Variants in POU2F3 observed in about 807,000 individuals in gnomAD.
POU2F3 encodes the protein POU class 2 homeobox 3, also known as POU domain, class 2, transcription factor 3.
POU2F3 carries 23 observed loss-of-function variants against 59.2 expected under a neutral mutation model. The ratio of observed to expected loss-of-function variants is 0.39; its 90% confidence interval spans 0.28 to 0.55. The LOEUF is 0.55. POU2F3 is among the 20% of genes least tolerant of loss of function. POU2F3 has a pLI of 0.66. For synonymous variants in POU2F3, 190 were observed against 214.6 expected (o/e 0.89, Z 1.00); for missense variants, 473 against 544.5 (o/e 0.87, Z 1.31).
intron 2 of POU2F3, among the ~76,000 whole-genome samples, chr11:120,261,044 T>A (rs1939572767): frequency 6.6e-6 from 1 of 151,970 alleles, no homozygotes; most frequent in Non-Finnish European, 1.5e-5. Flanking sequence ...CCAGCCTGGA[T>A]GACAGAGTGA....
chr11:120,306,275 G>A (rs958723125), intron 8 of POU2F3, among the ~76,000 whole-genome samples: 1 of 152,168 alleles, frequency 6.6e-6, no homozygotes, highest in African/African-American at 2.4e-5. Flanking sequence ...ACCCATGCTG[G>A]TCAGGAAAGC....
At chr11:120,253,094 A>T (rs1406684781) in intron 2 of POU2F3, among the ~76,000 whole-genome samples, 1 of 151,866 alleles carries the variant, frequency 6.6e-6, no homozygotes, top group East Asian at 1.9e-4. Flanking sequence ...TGGGAGGAGG[A>T]CCAGTGTTTA....
chr11:120,280,824 C>A (rs942186858), intron 3 of POU2F3, among the ~76,000 whole-genome samples: 33 of 152,180 alleles, frequency 2.2e-4, no homozygotes, highest in African/African-American at 7.5e-4. Context: ...ATAGTATCTG[C>A]AGGCTCAGGG....
intron 3 of POU2F3, 95 bp from the exon 4 acceptor site, chr11:120,298,170 G>T: frequency 6.9e-7 from 1 of 1,443,320 alleles, no homozygotes; most frequent in Non-Finnish European, 9.4e-7. Context: ...CTCTAGGCTG[G>T]TCACTCCTTT....
At chr11:120,236,686 A>G, upstream of POU2F3, 1 of 1,506,012 alleles carries the variant, frequency 6.6e-7, no homozygotes, top group Non-Finnish European at 8.9e-7. Context: ...GGAGTCTCCA[A>G]GAACTGCTAA....
intron 5 of POU2F3, 88 bp from the exon 6 acceptor site, chr11:120,302,198 G>A (rs1342999183): frequency 8.6e-7 from 1 of 1,165,042 alleles, no homozygotes; most frequent in African/African-American, 1.5e-5. Flanking sequence ...GGTGGGGACA[G>A]TGATCGTGGT....
upstream of POU2F3, chr11:120,236,800 T>G (rs536049267): frequency 1.3e-4 from 168 of 1,265,380 alleles, no homozygotes; most frequent in African/African-American, 2.3e-3. Flanking sequence ...TTGCTCACCA[T>G]TCCCCCTCAA....
chr11:120,252,578 G>T (rs1469628468), intron 2 of POU2F3, among the ~76,000 whole-genome samples: 4 of 152,256 alleles, frequency 2.6e-5, no homozygotes, highest in African/African-American at 9.6e-5. Flanking sequence ...AAATTAGTAA[G>T]TACTGATTCG....
At chr11:120,271,410 CT>C (rs1490496207) in intron 3 of POU2F3, among the ~76,000 whole-genome samples, 1 of 152,226 alleles carries the variant, frequency 6.6e-6, no homozygotes, top group Non-Finnish European at 1.5e-5. Context: ...TTCTGTGATT[CT>C]GATGGATTCT....
chr11:120,256,505 C>G (rs1939350147), intron 2 of POU2F3: 1 of 152,224 alleles, frequency 6.6e-6, no homozygotes. Context: ...CCTATACATT[C>G]ACTCGTGGTC....
chr11:120,288,594 A>T (rs969320301), intron 3 of POU2F3, among the ~76,000 whole-genome samples: 12 of 152,162 alleles, frequency 7.9e-5, no homozygotes, highest in Admixed American at 3.9e-4. Context: ...AACATTATCT[A>T]CCTTTTCAAT....
chr11:120,300,370 C>A (rs1013654936), intron 5 of POU2F3, among the ~76,000 whole-genome samples: 1 of 152,134 alleles, frequency 6.6e-6, no homozygotes, highest in Non-Finnish European at 1.5e-5. Flanking sequence ...CTCTGGTGAC[C>A]TACTGGGAAG....
At chr11:120,254,669 C>T (rs780163863) in intron 2 of POU2F3, among the ~76,000 whole-genome samples, 14 of 152,294 alleles carry the variant, frequency 9.2e-5, no homozygotes, top group East Asian at 1.9e-4. Flanking sequence ...AAAAGGAAAG[C>T]GGCATGAGGT....
chr11:120,286,064 T>A (rs1011096927), intron 3 of POU2F3, among the ~76,000 whole-genome samples: 13 of 152,058 alleles, frequency 8.5e-5, no homozygotes, highest in Admixed American at 7.2e-4. Flanking sequence ...TGTTTTTTTT[T>A]AATAGAGATG....
chr11:120,288,992 T>C (rs766138364), intron 3 of POU2F3, among the ~76,000 whole-genome samples: 2 of 152,190 alleles, frequency 1.3e-5, no homozygotes, highest in South Asian at 2.1e-4. Flanking sequence ...ACATTCTATA[T>C]AGACACGTGA....
Position 120,299,684 on chromosome 11 carries a change from G to C in POU2F3, c.319G>C (p.Val107Leu). The C allele has an allele frequency of 6.2e-7, 1 of 1,613,698 alleles. No individual in the cohort carries two copies. The highest frequency in any genetic ancestry group is 8.5e-7 in the Non-Finnish European group (1 of 1,179,982). The stretch of plus-strand genomic sequence containing the variant: ...GCTGGTTCCCGGCCACTTACAGTCT[G>C]TATCCCAGTTCCTGCTATCTCAGAC... ...LVLVPGHLQS[V>L]SQFLLSQTQP... The change falls in exon 5 of 13, where the codon GTA becomes CTA. Residue 107 changes from valine (V) to leucine (L), a missense_variant. Val to Leu is a conservative substitution (Grantham distance 32, BLOSUM62 1). Transcript: ENST00000543440.
Position 120,305,556 on chromosome 11 carries a change from G to A in POU2F3, c.628-88G>A, listed in dbSNP as rs1029143935. On this transcript the variant is annotated intron_variant, in intron 7 of 12. Transcript: ENST00000543440. ...GCACTCAAAGATTCAGGCTGGCTGT[G>A]TGATCGATGCTAGGACCATGCAGGA... is the stretch of plus-strand genomic sequence containing the variant. The A allele has an allele frequency of 3.9e-6, 6 of 1,534,722 alleles. No homozygotes were observed. The African/African-American group carries it at 5.5e-5, about 14-fold the overall frequency.
intron 1 of POU2F3, 83 bp from the exon 2 acceptor site, chr11:120,246,366 C>G: frequency 7.5e-7 from 1 of 1,332,740 alleles, no homozygotes; most frequent in Non-Finnish European, 1.1e-6. Context: ...ACACATTCAT[C>G]TTTGTTATTT....
chr11:120,296,265 T>C (rs112895896), intron 3 of POU2F3, among the ~76,000 whole-genome samples: 2 of 152,368 alleles, frequency 1.3e-5, no homozygotes, highest in African/African-American at 4.8e-5. Flanking sequence ...GTTTTGCTTA[T>C]GTCTTTTGTT....
Sources: gnomAD v4.1 joint callset for allele counts (sites outside exome capture counted in the v4.1 genomes callset) on GRCh38, gnomAD v4.1.1 for gene constraint, MANE v1.5 for transcripts, NCBI Gene and HGNC (gene_info 2026-07-23, HGNC 2026-07-21) for gene names.